Variants in GPD1L observed in about 807,000 individuals in gnomAD.
GPD1L encodes the protein glycerol-3-phosphate dehydrogenase 1-like protein.
GPD1L carries 17 observed loss-of-function variants against 32.9 expected under a neutral mutation model. The observed-to-expected ratio is 0.52, with a 90% CI of 0.35 to 0.78. The LOEUF is 0.78. Among genes scored for constraint, GPD1L ranks in the 30% least tolerant of loss-of-function variants. GPD1L has a pLI of 0.01. For missense variants in GPD1L, 361 were observed against 447.8 expected (o/e 0.81, Z 1.75); for synonymous variants, 187 against 165.9 (o/e 1.13, Z -0.98).
intron 2 of GPD1L, among the ~76,000 whole-genome samples, chr3:32,131,337 G>A (rs1700585122): frequency 6.6e-6 from 1 of 152,046 alleles, no homozygotes; most frequent in Non-Finnish European, 1.5e-5. Context: ...AGCCATCACT[G>A]CCATCAATTT....
At chr3:32,112,991 C>A (rs181922666) in intron 1 of GPD1L, among the ~76,000 whole-genome samples, 1 of 152,094 alleles carries the variant, frequency 6.6e-6, no homozygotes, top group South Asian at 2.1e-4. Context: ...TAAATTCTTA[C>A]CATTTTCAGT....
chr3:32,159,835 G>A (rs72546645), intron 7 of GPD1L, among the ~76,000 whole-genome samples, 161 bp downstream of exon 7: 4 of 152,206 alleles, frequency 2.6e-5, no homozygotes, highest in Non-Finnish European at 5.9e-5. Context: ...GTGATGAGAA[G>A]CATCTACCTA....
chr3:32,125,864 T>G (rs1181867512), intron 1 of GPD1L, among the ~76,000 whole-genome samples: 1 of 152,216 alleles, frequency 6.6e-6, no homozygotes, highest in African/African-American at 2.4e-5. Flanking sequence ...AAATTATTGA[T>G]GAAACCAGGA....
rs541715671 is a variant in GPD1L at position 32,149,085 on chromosome 3, A to G, written c.618+2351A>G. Among the ~76,000 whole-genome samples the G allele has an allele frequency of 2.0e-5, 3 of 152,316 alleles. No homozygotes were observed. The East Asian group carries it at 5.8e-4, about 29-fold the overall frequency. On this transcript the variant is annotated intron_variant, in intron 5 of 7. Transcript: ENST00000282541. ...GTGTGTTTTGTTTGTTTTTGAGACA[A>G]GGTCTCGCTGTGCTGCCCAGACTGA... is the stretch of plus-strand genomic sequence containing the variant.
In GPD1L at chr3:32,121,781, AT is replaced by A. The variant is rs201737759; in HGVS notation, c.48-6287del. 1.6e-3 allele frequency among the ~76,000 whole-genome samples: 215 copies of A among 133,684 alleles called. 1 individual carries two copies. The highest frequency in any genetic ancestry group is 5.5e-3 in the African/African-American group (199 of 36,010). The allele number at this position is 133,684 out of a possible 152,430, so 87.7% of individuals were successfully genotyped here. On this transcript the variant is annotated intron_variant, in intron 1 of 7. Coordinates refer to ENST00000282541, the MANE Select transcript of GPD1L (RefSeq NM_015141.4). The stretch of plus-strand genomic sequence containing the variant: ...TATATATATTTCTATATATATATAT[AT>A]TTTTTTTAGGCAGAGTTTTGCTCTT...
At chr3:32,157,779 T>C (rs914762654) in intron 5 of GPD1L, among the ~76,000 whole-genome samples, 1 of 152,182 alleles carries the variant, frequency 6.6e-6, no homozygotes, top group Non-Finnish European at 1.5e-5. Context: ...TGTAAATGAA[T>C]GGGTATGGCT....
chr3:32,139,079 A>T (rs1314955934), intron 3 of GPD1L, among the ~76,000 whole-genome samples: 1 of 152,162 alleles, frequency 6.6e-6, no homozygotes, highest in Non-Finnish European at 1.5e-5. Context: ...ACCCTAAAGC[A>T]TGTGTTTTTA....
intron 4 of GPD1L, among the ~76,000 whole-genome samples, chr3:32,142,091 C>T (rs926728323): frequency 2.6e-5 from 4 of 151,764 alleles, no homozygotes; most frequent in African/African-American, 9.7e-5. Context: ...TAATGGCTTC[C>T]AGCTGCATCC....
At chr3:32,156,590 C>T (rs558262248) in intron 5 of GPD1L, among the ~76,000 whole-genome samples, 1 of 152,204 alleles carries the variant, frequency 6.6e-6, no homozygotes, top group Admixed American at 6.5e-5. Context: ...GGGGAGTAGA[C>T]AGAAACTTCA....
rs1467821404 is a variant in GPD1L, at chr3:32,159,043, C to T, written c.786C>T (p.Asp262=). 1.9e-6 allele frequency: 3 copies of T among 1,613,824 alleles called. No individual in the cohort carries two copies. The highest frequency in any genetic ancestry group is 2.5e-6 in the Non-Finnish European group (3 of 1,180,032). ...TCCTAGAGAGCTGCGGGGTGGCCGA[C>T]CTGATCACCACCTGTTACGGAGGGC... ...ATFLESCGVA[D]LITTCYGGRN... The change falls in exon 6 of 8, where the codon GAC becomes GAT. Residue 262 remains aspartate (D), a synonymous_variant. Transcript: ENST00000282541.
At chr3:32,152,966 T>C (rs1422226882) in intron 5 of GPD1L, among the ~76,000 whole-genome samples, 2 of 152,170 alleles carry the variant, frequency 1.3e-5, no homozygotes, top group Non-Finnish European at 2.9e-5. Flanking sequence ...CATAACTAGC[T>C]ACAAGGCAGG....
chr3:32,159,492 C>G (rs1701046688), intron 6 of GPD1L, 76 bp from the exon 7 acceptor site: 2 of 876,510 alleles, frequency 2.3e-6, no homozygotes, highest in East Asian at 5.4e-5. Flanking sequence ...AAAAAAAACA[C>G]TTAAAAATTA....
chr3:32,117,259 A>G (rs1559569081), intron 1 of GPD1L, among the ~76,000 whole-genome samples: 1 of 152,342 alleles, frequency 6.6e-6, no homozygotes, highest in East Asian at 1.9e-4. Context: ...GAATAGCCTT[A>G]TACTGAACCA....
chr3:32,124,302 T>G (rs1211932542), intron 1 of GPD1L, among the ~76,000 whole-genome samples: 2 of 152,198 alleles, frequency 1.3e-5, no homozygotes, highest in Non-Finnish European at 2.9e-5. Flanking sequence ...CCTGACCTTG[T>G]GATCCACCCG....
rs192555074 is a variant in GPD1L, at chr3:32,115,852, G to A, written c.47+9094G>A. Among the ~76,000 whole-genome samples the A allele has an allele frequency of 3.9e-3, 475 of 122,980 alleles. 4 individuals carry two copies. The highest frequency in any genetic ancestry group is 0.013 in the African/African-American group (416 of 31,438). The allele number at this position is 122,980 out of a possible 152,430, so 80.7% of individuals were successfully genotyped here. On this transcript the variant is annotated intron_variant, in intron 1 of 7. Transcript: ENST00000282541. ...TGCACAGGTTGGAGTGCAGTGGCAC[G>A]ATCTTGGCTCACTGCAACCTCCACC... is the stretch of plus-strand genomic sequence containing the variant.
chr3:32,138,612 C>CTGTGCAGGATGCAGACCTGCTGG lies in GPD1L; in HGVS notation c.255_277dup (p.Phe93CysfsTer40). 6.2e-7 allele frequency: 1 copy of CTGTGCAGGATGCAGACCTGCTGG among 1,614,016 alleles called. No homozygotes were observed. The highest frequency in any genetic ancestry group is 8.5e-7 in the Non-Finnish European group (1 of 1,179,906). On this transcript the variant is annotated frameshift_variant, in exon 3 of 8. Coordinates refer to ENST00000282541, the MANE Select transcript of GPD1L (RefSeq NM_015141.4). LOFTEE classifies it high-confidence loss of function. ...GTTGCCATGTCAAATCTTAGCGAGG[C>CTGTGCAGGATGCAGACCTGCTGG]TGTGCAGGATGCAGACCTGCTGGTG...
At chr3:32,145,599 A>G (rs1487097035) in intron 4 of GPD1L, among the ~76,000 whole-genome samples, 3 of 152,072 alleles carry the variant, frequency 2.0e-5, no homozygotes, top group South Asian at 2.1e-4. Context: ...CTGGTCTGCA[A>G]TGTTCAGGAG....
At chr3:32,144,677 T>TTTGTTG (rs537706656) in intron 4 of GPD1L, among the ~76,000 whole-genome samples, 1 of 151,560 alleles carries the variant, frequency 6.6e-6, no homozygotes, top group African/African-American at 2.4e-5. Context: ...ATTACTGGGG[T>TTTGTTG]TTGTTGTTGT....
Position 32,121,645 on chromosome 3 carries a change from TAA to T in GPD1L, c.48-6430_48-6429del, listed in dbSNP as rs1491374884. 4.0e-5 allele frequency among the ~76,000 whole-genome samples: 5 copies of T among 124,854 alleles called. No individual in the cohort carries two copies. The East Asian group carries it at 7.8e-4, about 19-fold the overall frequency. The allele number at this position is 124,854 out of a possible 152,430, so 81.9% of individuals were successfully genotyped here. On this transcript the variant is annotated intron_variant, in intron 1 of 7. Transcript: ENST00000282541. ...TATATTATATATATTTCTATATATA[TAA>T]TATATATATTTCTATATATATTTCT...
Sources: gnomAD v4.1 joint callset for allele counts (sites outside exome capture counted in the v4.1 genomes callset) on GRCh38, gnomAD v4.1.1 for gene constraint, MANE v1.5 for transcripts, NCBI Gene and HGNC (gene_info 2026-07-23, HGNC 2026-07-21) for gene names.